NDUFAF6: variants seen among roughly 807,000 people sequenced by gnomAD.
NDUFAF6 encodes NADH dehydrogenase (ubiquinone) complex I, assembly factor 6.
A neutral mutation model predicts 40.8 loss-of-function variants in NDUFAF6; 45 were observed. The ratio of observed to expected loss-of-function variants is 1.10; its 90% confidence interval spans 0.87 to 1.42. The LOEUF (loss-of-function observed/expected upper bound fraction) is 1.42. Among genes scored for constraint, NDUFAF6 ranks in the 40% most tolerant of loss-of-function variants. The pLI is 0.00. For synonymous variants in NDUFAF6, 185 were observed against 155.9 expected (o/e 1.19, Z -1.39); for missense variants, 435 against 418.5 (o/e 1.04, Z -0.34).
At chr8:95,005,772 C>A (rs1049919420) in intron 2 of NDUFAF6, among the ~76,000 whole-genome samples, 2 of 151,472 alleles carry the variant, frequency 1.3e-5, no homozygotes, top group Admixed American at 1.3e-4. Flanking sequence ...TTTAATTAGA[C>A]CAATTCGTAT....
In NDUFAF6 at chr8:95,025,029, C is replaced by T. The variant is rs764734256; in HGVS notation, c.21C>T (p.Gly7=). 56 of 1,380,080 alleles carry T rather than the reference C, an allele frequency of 4.1e-5. No individual in the cohort carries two copies. Among genetic ancestry groups the T allele is most frequent in the Non-Finnish European group, 4.7e-5 (51 of 1,077,896 alleles). 85.5% of individuals were successfully genotyped at this position (1,380,080 alleles called of 1,614,324 possible). The part of the protein sequence containing the change: MAASAH[G]SVWGPLRLGI... Reference sequence around the variant, plus strand: ...GCGTCATGGCGGCCTCCGCGCACGGCTCTGTCTGGGGGCCGTTGCGGCTTG... The same window carrying T: ...GCGTCATGGCGGCCTCCGCGCACGGTTCTGTCTGGGGGCCGTTGCGGCTTG... Residue 7 remains glycine (G), a synonymous_variant, in exon 1 of 9, where the codon GGC becomes GGT. Transcript: ENST00000396124.
At chr8:94,924,083 C>T (rs567367126) in intron 1 of NDUFAF6, among the ~76,000 whole-genome samples, 3 of 152,038 alleles carry the variant, frequency 2.0e-5, no homozygotes, top group South Asian at 2.1e-4. Context: ...TTTTTTGAGA[C>T]GTAGTCTCGC....
At chr8:94,968,239 G>A (rs1824177819) in intron 1 of NDUFAF6, among the ~76,000 whole-genome samples, 2 of 152,194 alleles carry the variant, frequency 1.3e-5, no homozygotes, top group Admixed American at 1.3e-4. Flanking sequence ...AGGCCACGCT[G>A]AAGGGGAGGG....
chr8:95,099,861 G>A (rs1180989000), upstream of NDUFAF6, among the ~76,000 whole-genome samples: 1 of 152,076 alleles, frequency 6.6e-6, no homozygotes, highest in African/African-American at 2.4e-5. Flanking sequence ...CCTATAATAC[G>A]GCATCTGCAA....
At chr8:95,105,234 T>C (rs1668371596), downstream of NDUFAF6, among the ~76,000 whole-genome samples, 1 of 152,200 alleles carries the variant, frequency 6.6e-6, no homozygotes, top group African/African-American at 2.4e-5. Flanking sequence ...AGTCTTTGTT[T>C]CCATCAACAA....
chr8:95,025,158 C>T lies in NDUFAF6; in HGVS notation c.150C>T (p.Ser50=). 2 of 1,482,086 alleles carry T rather than the reference C, an allele frequency of 1.3e-6. No individual in the cohort carries two copies. The highest frequency in any genetic ancestry group is 1.3e-5 in the South Asian group (1 of 77,442). 91.8% of individuals were successfully genotyped at this position (1,482,086 alleles called of 1,614,324 possible). ...CTGGGCGGAGCGTGGCTGCGGCCAGCGGACCGGGCGCCTGGGGCACTGACC... is the reference window on the plus strand; with the variant it reads ...CTGGGCGGAGCGTGGCTGCGGCCAGTGGACCGGGCGCCTGGGGCACTGACC... ...EVSGRSVAAA[S]GPGAWGTDHY... is the part of the protein sequence containing the mutation. Residue 50 remains serine, a synonymous_variant, in exon 1 of 9, where the codon AGC becomes AGT. Coordinates refer to ENST00000396124, the MANE Select transcript of NDUFAF6 (RefSeq NM_152416.4).
chr8:94,937,077 T>C (rs1250667237), intron 1 of NDUFAF6, among the ~76,000 whole-genome samples: 2 of 152,104 alleles, frequency 1.3e-5, no homozygotes, highest in Admixed American at 6.5e-5. Flanking sequence ...CAATGGAAGA[T>C]GCAAATGCTC....
chr8:94,997,335 C>G lies in NDUFAF6; in HGVS notation c.-84+16362C>G, dbSNP rs931680986. On this transcript the variant is annotated intron_variant, in intron 2 of 9. Transcript: ENST00000396111. Reference sequence around the variant, plus strand: ...ACACACACACACACACACACACACACACACACACAGAGAGAGAGAGAGAGA... The same window carrying G: ...ACACACACACACACACACACACACAGACACACACAGAGAGAGAGAGAGAGA... 6.0e-3 allele frequency among the ~76,000 whole-genome samples: 822 copies of G among 137,250 alleles called. 7 individuals are homozygous for G. The highest frequency in any genetic ancestry group is 0.021 in the African/African-American group (749 of 35,030). 90.0% of individuals were successfully genotyped at this position (137,250 alleles called of 152,430 possible). A position where few individuals can be genotyped will look rare whatever the true frequency, so the allele number is the denominator to read the frequency against.
chr8:95,042,271 G>T lies in NDUFAF6; in HGVS notation c.477+645G>T, dbSNP rs1477745205. Among the ~76,000 whole-genome samples, 5 of 152,304 alleles carry T rather than the reference G, an allele frequency of 3.3e-5. No homozygotes were observed. The East Asian group carries it at 7.7e-4, about 23-fold the overall frequency. On this transcript the variant is annotated intron_variant, in intron 4 of 8. Transcript: ENST00000396124. ...GCCTAACATGTGTGACCTTTCTGAT[G>T]CATTGTTAGGTCTGTGTTCCCCTTG...
chr8:94,898,847 A>G (rs1448621081), intron 1 of NDUFAF6, among the ~76,000 whole-genome samples: 2 of 152,234 alleles, frequency 1.3e-5, no homozygotes, highest in Non-Finnish European at 2.9e-5. Context: ...TTATAATTCA[A>G]TAATACTTTA....
intron 1 of NDUFAF6, chr8:94,940,213 G>A (rs75917719): frequency 0.018 from 28,222 of 1,608,368 alleles, 337 homozygotes; most frequent in African/African-American, 0.041. Flanking sequence ...AGAAACCAGT[G>A]CAAGTATCTA....
chr8:95,084,998 C>G lies in NDUFAF6; in HGVS notation n.213+9246C>G, dbSNP rs191413503. ...AAACATCATTGGCCTGAATCACACT[C>G]AATAGAGGCATAAGGCATTATAATA... is the stretch of plus-strand genomic sequence containing the variant. On this transcript the variant is annotated intron_variant and non_coding_transcript_variant, in intron 2 of 5. Transcript: ENST00000523184. 1.5e-4 allele frequency among the ~76,000 whole-genome samples: 23 copies of G among 152,324 alleles called. No individual in the cohort carries two copies. The East Asian group carries it at 4.4e-3, about 29-fold the overall frequency.
chr8:95,086,855 C>T (rs886313785), intron 2 of NDUFAF6, among the ~76,000 whole-genome samples: 5 of 151,950 alleles, frequency 3.3e-5, no homozygotes, highest in African/African-American at 7.2e-5. Context: ...CGCCCGCCTC[C>T]GCCCCCCAAA....
In NDUFAF6 at chr8:95,050,017, C is replaced by A. The variant is rs926714706; in HGVS notation, c.816+1459C>A. On this transcript the variant is annotated intron_variant, in intron 7 of 8. Transcript: ENST00000396124. ...TCTTTTTAATTTCATGAATATCTAA[C>A]AGTTCTCGGCCCTGACAGAGGTATA... Among the ~76,000 whole-genome samples the A allele has an allele frequency of 9.2e-5, 14 of 152,242 alleles. No homozygotes were observed. In the East Asian group the frequency reaches 2.7e-3, roughly 29 times the overall value.
At chr8:95,065,539 T>G (rs1054018050) in intron 9 of NDUFAF6, among the ~76,000 whole-genome samples, 19 of 152,352 alleles carry the variant, frequency 1.2e-4, no homozygotes, top group Admixed American at 9.2e-4. Context: ...AAGAAGAGAT[T>G]AGAAAAATAT....
chr8:94,916,697 C>T (rs1472114488), intron 1 of NDUFAF6, among the ~76,000 whole-genome samples: 1 of 151,684 alleles, frequency 6.6e-6, no homozygotes, highest in African/African-American at 2.4e-5. Context: ...GCCTAAATTC[C>T]AGCTATTCGG....
chr8:95,105,062 CACACAGAGAGAG>C (rs1167631270), downstream of NDUFAF6, among the ~76,000 whole-genome samples: 2,740 of 64,862 alleles, frequency 0.042, 24 homozygotes, highest in Non-Finnish European at 0.056. Flanking sequence ...CACACACACA[CACACAGAGAGAG>C]AGAGAGAGAG....
intron 1 of NDUFAF6, chr8:94,980,714 G>T (rs1825373879): frequency 1.0e-5 from 1 of 98,838 alleles, no homozygotes; most frequent in South Asian, 5.4e-5. Context: ...GCCTCCCGAA[G>T]TTTGGGTTTG....
upstream of NDUFAF6, among the ~76,000 whole-genome samples, chr8:95,023,527 C>T (rs1022374419): frequency 1.3e-4 from 20 of 152,052 alleles, no homozygotes; most frequent in Admixed American, 7.9e-4. Context: ...AGTAGGGAAA[C>T]GCCATGATCA....
Sources: allele counts gnomAD v4.1 joint callset (sites outside exome capture counted in the v4.1 genomes callset), GRCh38; gene constraint gnomAD v4.1.1; transcripts MANE v1.5; gene names NCBI Gene and HGNC (gene_info 2026-07-23, HGNC 2026-07-21).